The following INPP4B variants were observed in gnomAD, a reference collection of about 807,000 sequenced individuals.
INPP4B encodes the protein inositol polyphosphate-4-phosphatase type II B.
INPP4B carries 55 observed loss-of-function variants against 122.5 expected under a neutral mutation model. That is an observed-to-expected ratio of 0.45 (90% CI 0.36 to 0.56). The LOEUF is 0.56. Ranked by LOEUF, INPP4B falls within the 20% of genes least tolerant of loss-of-function variation. INPP4B has a pLI of 0.00. For missense variants in INPP4B, 1,000 were observed against 1,097.7 expected (o/e 0.91, Z 1.26); for synonymous variants, 403 against 388.7 (o/e 1.04, Z -0.43).
At position 142,192,887 on chromosome 4, in the gene INPP4B, A is replaced by C. The variant is rs1497144; in HGVS notation, c.1181+200T>G. ...GATTTTCTGCCATCACAATGCCACT[A>C]ACTAAGCAAGACACTTAGGCAATTT... On this transcript the variant is annotated intron_variant, in intron 15 of 25. Transcript: ENST00000262992. 0.88 allele frequency among the ~76,000 whole-genome samples: 133,297 copies of C among 152,194 alleles called. 59,180 individuals carry two copies. The highest frequency in any genetic ancestry group is 0.96 in the East Asian group (4,949 of 5,176).
intron 2 of INPP4B, among the ~76,000 whole-genome samples, chr4:142,542,697 T>C (rs1311641896): frequency 6.6e-6 from 1 of 152,230 alleles, no homozygotes; most frequent in Non-Finnish European, 1.5e-5. Context: ...ACACTTGTTT[T>C]TTTCAATAAC....
At chr4:142,140,722 C>A (rs1335764883) in intron 18 of INPP4B, among the ~76,000 whole-genome samples, 1 of 152,108 alleles carries the variant, frequency 6.6e-6, no homozygotes, top group South Asian at 2.1e-4. Flanking sequence ...TCTTCTCATG[C>A]CCCCAATATT....
intron 2 of INPP4B, among the ~76,000 whole-genome samples, chr4:142,702,522 C>T (rs147113301): frequency 0.012 from 1,749 of 152,056 alleles, 30 homozygotes; most frequent in African/African-American, 0.032. Flanking sequence ...GTTGGGAGTT[C>T]GAGACCAGCT....
chr4:142,311,206 A>G (rs1171230291), intron 8 of INPP4B, among the ~76,000 whole-genome samples: 2 of 152,174 alleles, frequency 1.3e-5, no homozygotes, highest in African/African-American at 4.8e-5. Flanking sequence ...ATGTATATTA[A>G]CAAGTGGTAC....
chr4:142,844,387 T>C (rs1783927869), intron 1 of INPP4B, among the ~76,000 whole-genome samples: 1 of 152,238 alleles, frequency 6.6e-6, no homozygotes, highest in African/African-American at 2.4e-5. Context: ...GCATTTAGCC[T>C]ATCTTCACAC....
Position 142,634,733 on chromosome 4 carries a change from A to T in INPP4B, c.-191+91106T>A, listed in dbSNP as rs1748718197. 3.3e-5 allele frequency among the ~76,000 whole-genome samples: 5 copies of T among 152,120 alleles called. No individual in the cohort carries two copies. In the South Asian group the frequency reaches 1.0e-3, roughly 32 times the overall value. On this transcript the variant is annotated intron_variant, in intron 2 of 25. Coordinates refer to ENST00000262992, the MANE Select transcript of INPP4B (RefSeq NM_001101669.3). ...ACTTTCAATAGTGAAATATTGAAAG[A>T]TTTCTTTTTGAGACTGGAAATTTTT...
intron 18 of INPP4B, among the ~76,000 whole-genome samples, chr4:142,142,930 T>A (rs1808613949): frequency 6.6e-6 from 1 of 151,842 alleles, no homozygotes; most frequent in African/African-American, 2.4e-5. Context: ...CCCTTAGAGA[T>A]CAACAGATGG....
At chr4:142,417,942 T>C (rs17715398) in intron 5 of INPP4B, among the ~76,000 whole-genome samples, 2,006 of 152,308 alleles carry the variant, frequency 0.013, 24 homozygotes, top group Non-Finnish European at 0.018. Context: ...TGTATATGTC[T>C]GTTCTTAAAA....
At chr4:142,305,359 C>T (rs72722490) in intron 9 of INPP4B, 99 bp downstream of exon 9, 8,814 of 878,744 alleles carry the variant, frequency 0.01, 66 homozygotes, top group South Asian at 0.014. Flanking sequence ...GAACTGACAT[C>T]TAACATCTGC....
At chr4:142,211,836 T>C (rs897885433) in intron 12 of INPP4B, among the ~76,000 whole-genome samples, 1 of 152,192 alleles carries the variant, frequency 6.6e-6, no homozygotes, top group Non-Finnish European at 1.5e-5. Context: ...AGAACTTTCC[T>C]GGGTGTGTCC....
intron 7 of INPP4B, among the ~76,000 whole-genome samples, chr4:142,342,725 G>T (rs993942016): frequency 3.3e-5 from 5 of 152,056 alleles, no homozygotes; most frequent in Non-Finnish European, 7.4e-5. Context: ...CATAAATTTT[G>T]TATAAAGAAA....
chr4:142,539,372 T>C (rs527284497), intron 2 of INPP4B, among the ~76,000 whole-genome samples: 2 of 152,080 alleles, frequency 1.3e-5, no homozygotes, highest in South Asian at 2.1e-4. Flanking sequence ...AACCAACCCA[T>C]CAATTAGGTT....
rs1736631400 is a variant in INPP4B at position 142,025,113 on chromosome 4, G to A, written c.*3669C>T. On this transcript the variant is annotated 3_prime_UTR_variant, in exon 26 of 26. Coordinates refer to ENST00000262992, the MANE Select transcript of INPP4B (RefSeq NM_001101669.3). Reference sequence around the variant, plus strand: ...AAAAAGAATATGGCATTCATTGTGTGCTGGTAAATGCTCAACAATTGCCTT... The same window carrying A: ...AAAAAGAATATGGCATTCATTGTGTACTGGTAAATGCTCAACAATTGCCTT... The A allele has an allele frequency of 1.3e-5, 2 of 151,768 alleles. No homozygotes were observed. Among genetic ancestry groups the A allele is most frequent in the Admixed American group, 1.3e-4 (2 of 15,234 alleles). 9.4% of individuals were successfully genotyped at this position (151,768 alleles called of 1,614,324 possible).
intron 1 of INPP4B, among the ~76,000 whole-genome samples, chr4:142,824,756 C>T (rs1036511864): frequency 2.0e-5 from 3 of 151,354 alleles, no homozygotes; most frequent in Non-Finnish European, 4.4e-5. Flanking sequence ...CAATGTTATT[C>T]TACTTTATAG....
intron 25 of INPP4B, among the ~76,000 whole-genome samples, chr4:142,080,277 G>A (rs972659131): frequency 6.6e-6 from 1 of 152,004 alleles, no homozygotes; most frequent in Non-Finnish European, 1.5e-5. Flanking sequence ...GTAAACCTAT[G>A]AGCCTGTATT....
intron 5 of INPP4B, among the ~76,000 whole-genome samples, chr4:142,412,368 A>G (rs1804794031): frequency 6.6e-6 from 1 of 152,130 alleles, no homozygotes; most frequent in Non-Finnish European, 1.5e-5. Flanking sequence ...CTTCCCCTCA[A>G]GAATTTTAAG....
intron 2 of INPP4B, among the ~76,000 whole-genome samples, chr4:142,549,295 AC>A (rs1408851948): frequency 1.3e-5 from 2 of 152,102 alleles, no homozygotes; most frequent in Non-Finnish European, 2.9e-5. Context: ...CATACTGTGC[AC>A]TGTAATGATA....
At chr4:142,563,477 C>T (rs1253463848) in intron 2 of INPP4B, among the ~76,000 whole-genome samples, 1 of 152,098 alleles carries the variant, frequency 6.6e-6, no homozygotes, top group Non-Finnish European at 1.5e-5. Context: ...TGAAATGAGG[C>T]CTATCTATAA....
intron 19 of INPP4B, 70 bp downstream of exon 19, chr4:142,124,518 A>G (rs1374460222): frequency 7.4e-7 from 1 of 1,354,002 alleles, no homozygotes; most frequent in Non-Finnish European, 1.0e-6. Flanking sequence ...TAAGAATTCT[A>G]TTCATCATCA....
Sources: allele counts gnomAD v4.1 joint callset (sites outside exome capture counted in the v4.1 genomes callset), GRCh38; gene constraint gnomAD v4.1.1; transcripts MANE v1.5; gene names NCBI Gene and HGNC (gene_info 2026-07-23, HGNC 2026-07-21).